The following ARAP3 variants were observed in gnomAD, a reference collection of about 807,000 sequenced individuals.
ARAP3 encodes the protein arf-GAP with Rho-GAP domain, ANK repeat and PH domain-containing protein 3.
In ARAP3, 82 loss-of-function variants were observed where a neutral mutation model predicts 169.2. That is an observed-to-expected ratio of 0.48 (90% CI 0.41 to 0.58). The LOEUF (loss-of-function observed/expected upper bound fraction) is 0.58. Among genes scored for constraint, ARAP3 ranks in the 20% least tolerant of loss-of-function variants. The probability of loss-of-function intolerance (pLI) is 0.00; values close to 1 mark genes in which losing one functional copy is unlikely to be tolerated. For missense variants in ARAP3, 1,764 were observed against 2,018.0 expected, an observed-to-expected ratio of 0.87 and a Z score of 2.41; for synonymous variants, 791 against 800.3, an observed-to-expected ratio of 0.99 and a Z score of 0.20.
At chr5:141,676,340 T>C (rs1248056493) in intron 4 of ARAP3, among the ~76,000 whole-genome samples, 1 of 152,222 alleles carries the variant, frequency 6.6e-6, no homozygotes, top group Non-Finnish European at 1.5e-5. Flanking sequence ...AGAGCAAGAC[T>C]CCGTCTCAAA....
At chr5:141,656,929 A>C in intron 25 of ARAP3, 83 bp from the exon 26 acceptor site, 9 of 1,499,508 alleles carry the variant, frequency 6.0e-6, no homozygotes, top group Non-Finnish European at 7.2e-6. Context: ...TCATTCATCC[A>C]TTCAACTATC....
chr5:141,660,390 A>G (rs932761247), intron 21 of ARAP3, among the ~76,000 whole-genome samples: 1 of 151,168 alleles, frequency 6.6e-6, no homozygotes, highest in African/African-American at 2.4e-5. Context: ...GCTACTCGGG[A>G]GGCTGAGGCA....
chr5:141,659,268 G>T (rs1446820888), intron 23 of ARAP3, 140 bp downstream of exon 23: 6 of 746,886 alleles, frequency 8.0e-6, no homozygotes, highest in Non-Finnish European at 1.4e-5. Flanking sequence ...CTCTCATTGG[G>T]TTCCCCCTGT....
chr5:141,660,985 C>T (rs970290955), intron 21 of ARAP3, among the ~76,000 whole-genome samples: 7 of 151,912 alleles, frequency 4.6e-5, no homozygotes, highest in Non-Finnish European at 8.8e-5. Context: ...TATGACATGC[C>T]GGATGTACTG....
At chr5:141,658,768 AAC>A in intron 23 of ARAP3, 115 bp from the exon 24 acceptor site, 3 of 874,892 alleles carry the variant, frequency 3.4e-6, no homozygotes, top group Admixed American at 3.1e-5. Flanking sequence ...GTCTCCTCCC[AAC>A]CCCAATGTCA....
Position 141,672,773 on chromosome 5 carries a change from G to A in ARAP3, c.1246C>T (p.Pro416Ser). The A allele has an allele frequency of 6.2e-7, 1 of 1,614,136 alleles. No homozygotes were observed. Among genetic ancestry groups the A allele is most frequent in the Non-Finnish European group, 8.5e-7 (1 of 1,180,026 alleles). The part of the protein sequence containing the change: ...HKAKVFAALS[P>S]GELALYKSEQ... The stretch of plus-strand genomic sequence containing the variant: ...CTCTTGTACAGTGCCAGCTCTCCAG[G>A]GCTCAAGGCAGCAAACACCTTGGCC... Residue 416 changes from proline to serine, a missense_variant, in exon 8 of 33, where the codon CCT becomes TCT. This residue lies in a region of ARAP3 where 630 missense variants were observed against 678.7 expected (regional missense o/e 0.93). Transcript: ENST00000239440. The surrounding 1 kb of genome is among the most constrained non-coding windows in gnomAD (Gnocchi z 4.9).
intron 19 of ARAP3, among the ~76,000 whole-genome samples, chr5:141,663,584 C>T (rs1489895442): frequency 6.6e-6 from 1 of 152,172 alleles, no homozygotes; most frequent in African/African-American, 2.4e-5. Flanking sequence ...CCACCACGCC[C>T]GGCCCCATAT....
chr5:141,676,884 G>A (rs766041991), intron 4 of ARAP3, among the ~76,000 whole-genome samples: 34 of 152,058 alleles, frequency 2.2e-4, no homozygotes, highest in Admixed American at 1.4e-3. Flanking sequence ...CGTCTACCCA[G>A]TGGTCTATTT....
At position 141,666,406 on chromosome 5, in the gene ARAP3, C is replaced by T. The variant is rs143722578; in HGVS notation, c.2572+18G>A. The T allele has an allele frequency of 1.9e-6, 3 of 1,539,422 alleles. No individual in the cohort carries two copies. Among genetic ancestry groups the T allele is most frequent in the African/African-American group, 1.4e-5 (1 of 72,148 alleles). On this transcript the variant is annotated intron_variant, in intron 17 of 32. Coordinates refer to ENST00000239440, the MANE Select transcript of ARAP3 (RefSeq NM_022481.6). ...ATGGCCACCCTTCATCCCTGTCCCC[C>T]CAAACCTCCCCGCTTACTGATCTCC...
At chr5:141,660,511 AAAT>A (rs1211983638) in intron 21 of ARAP3, among the ~76,000 whole-genome samples, 2 of 151,978 alleles carry the variant, frequency 1.3e-5, no homozygotes, top group African/African-American at 4.8e-5. Context: ...AAAAAAAAGA[AAAT>A]ATATACATGA....
rs1393330228 is a variant in ARAP3, at chr5:141,680,344, C to T, written c.143G>A (p.Gly48Asp). The T allele has an allele frequency of 1.2e-6, 2 of 1,614,218 alleles. No homozygotes were observed. The highest frequency in any genetic ancestry group is 1.1e-5 in the South Asian group (1 of 91,090). ...TTTCCGGTGCCCTGTGGCGCTGATG[C>T]CCAACTGCTTCAACTCCTCGTGGCC... ...GLGHEELKQL[G>D]ISATGHRKRI... Residue 48 changes from glycine (G) to aspartate (D), a missense_variant, in exon 2 of 33, where the codon GGC (glycine) becomes GAC (aspartate). Transcript: ENST00000239440.
Position 141,672,966 on chromosome 5 carries a change from A to ACAGC in ARAP3, c.1093+43_1094-42dup. 1.2e-6 allele frequency: 2 copies of ACAGC among 1,612,694 alleles called. No individual in the cohort carries two copies. Among genetic ancestry groups the ACAGC allele is most frequent in the Non-Finnish European group, 1.7e-6 (2 of 1,179,198 alleles). On this transcript the variant is annotated intron_variant, in intron 7 of 32. Coordinates refer to ENST00000239440, the MANE Select transcript of ARAP3 (RefSeq NM_022481.6). This position sits in a 1 kb window ranked among gnomAD's most constrained non-coding sequence, Gnocchi z 4.9. ...AAGCAGGTCAGTGGCTGTTGCTCACACAGCCTCCCTCCCTCCTGCCCTGAC... is the reference window on the plus strand; with the variant it reads ...AAGCAGGTCAGTGGCTGTTGCTCACACAGCCAGCCTCCCTCCCTCCTGCCCTGAC...
chr5:141,655,400 G>A lies in ARAP3; in HGVS notation c.4111C>T (p.Arg1371Trp), dbSNP rs375439028. 1.2e-5 allele frequency: 19 copies of A among 1,587,130 alleles called. No homozygotes were observed. Among genetic ancestry groups the A allele is most frequent in the South Asian group, 3.4e-5 (3 of 87,190 alleles). Residue 1371 changes from arginine (R) to tryptophan (W), a missense_variant and splice_region_variant, in exon 32 of 33, where the codon CGG (arginine) becomes TGG (tryptophan). Coordinates refer to ENST00000239440, the MANE Select transcript of ARAP3 (RefSeq NM_022481.6). ...AGGGTCCTCCGGTTGTGTAGTCGCC[G>A]CTGGACACAGGTGGGGTGGGGACAA... ...ATLLSANQTL[R>W]RLHNRRTLSM... is the part of the protein sequence containing the mutation.
At position 141,664,945 on chromosome 5, in the gene ARAP3, C is replaced by T; in HGVS notation, c.2777G>A (p.Cys926Tyr). Residue 926 changes from cysteine (C) to tyrosine (Y), a missense_variant, in exon 19 of 33, where the codon TGC becomes TAC. Transcript: ENST00000239440. Reference protein sequence around the residue: ...RGDIPIIVDACISFVTQHGLR... With the variant: ...RGDIPIIVDAYISFVTQHGLR... ...ACCATGCTGGGTAACAAAACTGATG[C>T]AGGCATCCACGATGATGGGGATGTC... The T allele has an allele frequency of 6.2e-7, 1 of 1,605,770 alleles. No homozygotes were observed. Among genetic ancestry groups the T allele is most frequent in the Non-Finnish European group, 8.5e-7 (1 of 1,176,650 alleles).
intron 20 of ARAP3, 28 bp from the exon 21 acceptor site, chr5:141,661,817 G>A (rs909682779): frequency 1.2e-6 from 2 of 1,610,636 alleles, no homozygotes; most frequent in South Asian, 1.1e-5. Context: ...GAGGGTTGGG[G>A]AGGACCCGGG....
At position 141,658,355 on chromosome 5, in the gene ARAP3, T is replaced by G; in HGVS notation, c.3526+10A>C. ...CACATGCATGAACACACAGGCGTGG[T>G]CATACTCACCCAGCTCCCCATGCTC... On this transcript the variant is annotated intron_variant, in intron 25 of 32. Transcript: ENST00000239440. 1 of 1,612,374 alleles carries G rather than the reference T, an allele frequency of 6.2e-7. No individual in the cohort carries two copies. Among genetic ancestry groups the G allele is most frequent in the Non-Finnish European group, 8.5e-7 (1 of 1,179,816 alleles).
rs1334507097 is a variant in ARAP3, at chr5:141,673,601, C to G, written c.902+4G>C. The stretch of plus-strand genomic sequence containing the variant: ...TCTCCCTCCCTTCCCCTCCCAGCAC[C>G]CACCCCTGAGGGGAGAGCTTGTCTA... On this transcript the variant is annotated splice_donor_region_variant and intron_variant, in intron 5 of 32. Transcript: ENST00000239440. 8 of 1,613,354 alleles carry G rather than the reference C, an allele frequency of 5.0e-6. No homozygotes were observed. The highest frequency in any genetic ancestry group is 6.8e-6 in the Non-Finnish European group (8 of 1,179,554).
At position 141,658,738 on chromosome 5, in the gene ARAP3, A is replaced by G. The variant is rs2099909549; in HGVS notation, c.3337-85T>C. 8.9e-6 allele frequency: 11 copies of G among 1,229,728 alleles called. No individual in the cohort carries two copies. In the South Asian group the frequency reaches 9.4e-5, roughly 10 times the overall value. 76.2% of individuals were successfully genotyped at this position (1,229,728 alleles called of 1,614,324 possible). A position where few individuals can be genotyped will look rare whatever the true frequency, so the allele number is the denominator to read the frequency against. ...CAGAGGGTTCCTCGTGTTGCCTCAT[A>G]AGTGACTCTTCCAACAAAGGTCTCC... is the stretch of plus-strand genomic sequence containing the variant. On this transcript the variant is annotated intron_variant, in intron 23 of 32. Coordinates refer to ENST00000239440, the MANE Select transcript of ARAP3 (RefSeq NM_022481.6).
Position 141,654,112 on chromosome 5 carries a change from G to C in ARAP3, c.4473C>G (p.Ser1491Arg), listed in dbSNP as rs1360620923. 6.2e-7 allele frequency: 1 copy of C among 1,612,154 alleles called. No individual in the cohort carries two copies. The highest frequency in any genetic ancestry group is 2.2e-5 in the East Asian group (1 of 44,844). Residue 1491 changes from serine (S) to arginine (R), a missense_variant, in exon 33 of 33, where the codon AGC (serine) becomes AGG (arginine). By Grantham distance (110) the Ser-to-Arg change is moderately radical (BLOSUM62 -1). Coordinates refer to ENST00000239440, the MANE Select transcript of ARAP3 (RefSeq NM_022481.6). ...TGGTCTCTCCTTTCCTCAGGATGAG[G>C]CTGCTGAGCTCCTGGAGCAGCTGTT... ...LEEQLLQELS[S>R]LILRKGETTA...
Sources: gnomAD v4.1 joint callset for allele counts (sites outside exome capture counted in the v4.1 genomes callset) on GRCh38, gnomAD v4.1.1 for gene constraint, gnomAD v4.1.1 regional missense constraint, Gnocchi (gnomAD v3.1) non-coding constraint, MANE v1.5 for transcripts, NCBI Gene and HGNC (gene_info 2026-07-23, HGNC 2026-07-21) for gene names.